The following FCN2 variants were observed in gnomAD, a reference collection of about 807,000 sequenced individuals.
The protein encoded by FCN2 is ficolin 2.
Under a neutral mutation model 32.5 loss-of-function variants are expected in FCN2, and 31 were observed. The observed-to-expected ratio is 0.96, with a 90% CI of 0.72 to 1.29. The LOEUF (loss-of-function observed/expected upper bound fraction) is 1.29, where lower values mean the gene tolerates loss of function less well. FCN2 is among the 50% of genes most tolerant of loss of function. FCN2 has a pLI of 0.00. For synonymous variants in FCN2, 181 were observed against 164.5 expected, an observed-to-expected ratio of 1.10 and a Z score of -0.77; for missense variants, 412 against 406.5, an observed-to-expected ratio of 1.01 and a Z score of -0.12.
intron 1 of FCN2, among the ~76,000 whole-genome samples, chr9:134,882,092 A>G (rs535422118): frequency 6.6e-5 from 10 of 152,302 alleles, no homozygotes; most frequent in African/African-American, 2.4e-4. Context: ...ATTGATTACA[A>G]TGATATGATA....
At chr9:134,876,526 A>G (rs1197883725), upstream of FCN2, among the ~76,000 whole-genome samples, 3 of 152,202 alleles carry the variant, frequency 2.0e-5, no homozygotes, top group Admixed American at 6.6e-5. Context: ...AAACTTCTTT[A>G]TAATAAAAAT....
chr9:134,871,514 G>A, the FCN2 span, among the ~76,000 whole-genome samples: 1 of 152,250 alleles, frequency 6.6e-6, no homozygotes, highest in Admixed American at 6.5e-5. Context: ...ACCGCACGCT[G>A]AGCCCACACC....
chr9:134,871,525 T>C, the FCN2 span, among the ~76,000 whole-genome samples: 484 of 152,354 alleles, frequency 3.2e-3, 1 homozygote, highest in Middle Eastern at 0.017. Context: ...AGCCCACACC[T>C]AGTCCTCTGT....
the FCN2 span, among the ~76,000 whole-genome samples, chr9:134,870,632 G>C: frequency 6.6e-6 from 1 of 152,142 alleles, no homozygotes; most frequent in Admixed American, 6.5e-5. This position sits in a 1 kb window ranked among gnomAD's most constrained non-coding sequence, Gnocchi z 4.3. Flanking sequence ...CACAGAGCCC[G>C]GCCCTGCGGG....
upstream of FCN2, among the ~76,000 whole-genome samples, chr9:134,879,198 A>G (rs1415807877): frequency 6.6e-6 from 1 of 152,238 alleles, no homozygotes; most frequent in Non-Finnish European, 1.5e-5. Context: ...ACTCTGCCAA[A>G]TCAATTACTC....
the FCN2 span, among the ~76,000 whole-genome samples, chr9:134,864,256 G>A: frequency 2.6e-5 from 4 of 152,270 alleles, no homozygotes; most frequent in East Asian, 1.9e-4. Flanking sequence ...GTCCTGCTGC[G>A]GGCCTCAGGC....
the FCN2 span, among the ~76,000 whole-genome samples, chr9:134,875,110 G>C: frequency 6.6e-6 from 1 of 152,162 alleles, no homozygotes; most frequent in African/African-American, 2.4e-5. Flanking sequence ...ATTTTCTACA[G>C]AATCATGTCA....
chr9:134,885,114 T>C, intron 4 of FCN2, 125 bp from the exon 5 acceptor site: 4 of 1,380,846 alleles, frequency 2.9e-6, no homozygotes, highest in Non-Finnish European at 4.0e-6. Context: ...TGTCCAGGCC[T>C]CAGAGTCCCG....
At chr9:134,865,916 G>C in the FCN2 span, among the ~76,000 whole-genome samples, 1 of 151,682 alleles carries the variant, frequency 6.6e-6, no homozygotes, top group Non-Finnish European at 1.5e-5. Flanking sequence ...AAATACCTAG[G>C]AATCCAACTT....
chr9:134,867,554 TG>T, the FCN2 span, among the ~76,000 whole-genome samples: 47 of 146,770 alleles, frequency 3.2e-4, no homozygotes, highest in Admixed American at 6.9e-4. Flanking sequence ...GACGAGTTAG[TG>T]GGTGCAGCAC....
At chr9:134,881,041 G>T in intron 1 of FCN2, 120 bp downstream of exon 1, 2 of 748,828 alleles carry the variant, frequency 2.7e-6, no homozygotes, top group South Asian at 3.0e-5. Context: ...ATCGTCTAAC[G>T]AGACAGCAGC....
At chr9:134,873,898 TG>T in the FCN2 span, among the ~76,000 whole-genome samples, 20 of 46,534 alleles carry the variant, frequency 4.3e-4, no homozygotes, top group South Asian at 4.6e-3. Flanking sequence ...TTTTGTTTTT[TG>T]TTTTTTTTTG....
At chr9:134,874,784 T>C in the FCN2 span, among the ~76,000 whole-genome samples, 1 of 152,214 alleles carries the variant, frequency 6.6e-6, no homozygotes, top group Non-Finnish European at 1.5e-5. Flanking sequence ...CATCTGCAGA[T>C]CAATTTGGGG....
chr9:134,887,136 C>CTGTAACGA, intron 7 of FCN2, 32 bp from the exon 8 acceptor site: 1 of 1,613,378 alleles, frequency 6.2e-7, no homozygotes, highest in Non-Finnish European at 8.5e-7. Flanking sequence ...ATGTTACTGC[C>CTGTAACGA]TGTAACGATG....
chr9:134,869,867 G>A, the FCN2 span, among the ~76,000 whole-genome samples: 796 of 152,262 alleles, frequency 5.2e-3, 11 homozygotes, highest in African/African-American at 0.018. Flanking sequence ...TCAGGTGGGC[G>A]CTGCACTGTT....
chr9:134,871,725 A>G, the FCN2 span, among the ~76,000 whole-genome samples: 3 of 152,292 alleles, frequency 2.0e-5, no homozygotes, highest in East Asian at 1.9e-4. Context: ...ACCCGAGAGG[A>G]AAGAGCCATC....
At chr9:134,873,518 G>A in the FCN2 span, among the ~76,000 whole-genome samples, 1 of 152,148 alleles carries the variant, frequency 6.6e-6, no homozygotes. Flanking sequence ...GGACCCTTGG[G>A]ATTACACCAG....
chr9:134,867,785 C>A, the FCN2 span, among the ~76,000 whole-genome samples: 12 of 152,062 alleles, frequency 7.9e-5, no homozygotes, highest in Non-Finnish European at 1.6e-4. Context: ...CTTCCAGCCC[C>A]GTAATTCTAC....
chr9:134,881,244 G>A (rs1287053474), intron 1 of FCN2, among the ~76,000 whole-genome samples: 3 of 152,170 alleles, frequency 2.0e-5, no homozygotes, highest in Admixed American at 1.3e-4. Flanking sequence ...GGCTTGTGGT[G>A]CCAGCTGGGT....
Sources: allele counts gnomAD v4.1 joint callset (sites outside exome capture counted in the v4.1 genomes callset), GRCh38; gene constraint gnomAD v4.1.1; non-coding constraint Gnocchi (gnomAD v3.1); transcripts MANE v1.5; gene names NCBI Gene and HGNC (gene_info 2026-07-23, HGNC 2026-07-21).